The following NECTIN1 variants were observed in gnomAD, a reference collection of about 807,000 sequenced individuals.
NECTIN1 encodes nectin cell adhesion molecule 1, also known as nectin-1.
NECTIN1 carries 23 observed loss-of-function variants against 48.0 expected under a neutral mutation model. The ratio of observed to expected loss-of-function variants is 0.48; its 90% CI spans 0.34 to 0.68. NECTIN1 has a LOEUF of 0.68. Among genes scored for constraint, NECTIN1 ranks in the 30% least tolerant of loss-of-function variants. The probability of loss-of-function intolerance (pLI) is 0.01; values close to 1 mark genes in which losing one functional copy is unlikely to be tolerated. For missense variants in NECTIN1, 591 were observed against 709.9 expected (o/e 0.83, Z 1.90); for synonymous variants, 270 against 288.9 (o/e 0.93, Z 0.66).
chr11:119,728,448 G>T, intron 1 of NECTIN1, 27 bp downstream of exon 1: 1 of 1,575,832 alleles, frequency 6.3e-7, no homozygotes. Context: ...GGATGGGGGT[G>T]GGGACAGCAG....
chr11:119,724,491 G>C (rs570452986), intron 1 of NECTIN1, among the ~76,000 whole-genome samples: 1 of 152,078 alleles, frequency 6.6e-6, no homozygotes, highest in African/African-American at 2.4e-5. Flanking sequence ...CAAAGGACCC[G>C]GTAGTGTGTC....
chr11:119,661,095 AC>A lies in NECTIN1; in HGVS notation c.*3651del, dbSNP rs1252237423. ...ACAAGTAAAAGGGGGTGATGCAAAC[AC>A]CCCCCAGGTCAGAACCAGGAGGATC... On this transcript the variant is annotated 3_prime_UTR_variant, in exon 6 of 6. Coordinates refer to ENST00000264025, the MANE Select transcript of NECTIN1 (RefSeq NM_002855.5). 2.0e-6 allele frequency: 2 copies of A among 984,352 alleles called. No individual in the cohort carries two copies. The highest frequency in any genetic ancestry group is 2.4e-6 in the Non-Finnish European group (2 of 829,062). The allele number at this position is 984,352 out of a possible 1,614,324, so 61.0% of individuals were successfully genotyped here. A position where few individuals can be genotyped will look rare whatever the true frequency, so the allele number is the denominator to read the frequency against.
Position 119,677,324 on chromosome 11 carries a change from GC to G in NECTIN1, c.734-106del. 8.7e-7 allele frequency: 1 copy of G among 1,143,642 alleles called. No homozygotes were observed. Among genetic ancestry groups the G allele is most frequent in the Non-Finnish European group, 1.3e-6 (1 of 759,654 alleles). The allele number at this position is 1,143,642 out of a possible 1,614,324, so 70.8% of individuals were successfully genotyped here. On this transcript the variant is annotated intron_variant, in intron 3 of 5. Coordinates refer to ENST00000264025, the MANE Select transcript of NECTIN1 (RefSeq NM_002855.5). This position sits in a 1 kb window ranked among gnomAD's most constrained non-coding sequence, Gnocchi z 5.4. ...TGGAAGGAGCAGTGGCATGGAAACA[GC>G]CAGGAGAGAGGGAAGTGTGGGTGGG...
rs772160830 is a variant in NECTIN1, at chr11:119,677,587, C to A, written c.701G>T (p.Arg234Leu). ...GTTGAGAGTGAGGCTTTCCTTGAAG[C>A]GGTCCATGTGGTAGTTGACGATGCA... is the stretch of plus-strand genomic sequence containing the variant. ...LACIVNYHMD[R>L]FKESLTLNVQ... The change falls in exon 3 of 6, where the codon CGC becomes CTC. Residue 234 changes from arginine to leucine, a missense_variant. Physicochemically the swap from Arg to Leu is moderately radical, Grantham distance 102. Transcript: ENST00000264025. The surrounding 1 kb of genome is among the most constrained non-coding windows in gnomAD (Gnocchi z 5.4). The A allele has an allele frequency of 6.2e-7, 1 of 1,613,010 alleles. No homozygotes were observed. Among genetic ancestry groups the A allele is most frequent in the South Asian group, 1.1e-5 (1 of 91,014 alleles).
rs535098389 is a variant in NECTIN1 at position 119,678,098 on chromosome 11, T to G, written c.431-241A>C. On this transcript the variant is annotated intron_variant, in intron 2 of 5. Coordinates refer to ENST00000264025, the MANE Select transcript of NECTIN1 (RefSeq NM_002855.5). This position sits in a 1 kb window ranked among gnomAD's most constrained non-coding sequence, Gnocchi z 4.4. Reference sequence around the variant, plus strand: ...GTCATCGAGCTTAGGCCTCCTGGAGTCCCAGCATGTCTAAGGCAAGCAGCG... The same window carrying G: ...GTCATCGAGCTTAGGCCTCCTGGAGGCCCAGCATGTCTAAGGCAAGCAGCG... 7.2e-5 allele frequency among the ~76,000 whole-genome samples: 11 copies of G among 152,284 alleles called. No homozygotes were observed. Among genetic ancestry groups the G allele is most frequent in the Admixed American group, 3.3e-4 (5 of 15,290 alleles).
At chr11:119,702,155 T>A (rs6589768) in intron 1 of NECTIN1, among the ~76,000 whole-genome samples, 2 of 152,332 alleles carry the variant, frequency 1.3e-5, no homozygotes, top group South Asian at 4.1e-4. Flanking sequence ...ATCTGTGTGA[T>A]GTGATCTCAT....
chr11:119,689,604 T>A (rs1195348321), intron 1 of NECTIN1, among the ~76,000 whole-genome samples: 1 of 152,192 alleles, frequency 6.6e-6, no homozygotes, highest in East Asian at 1.9e-4. Context: ...GCAACCTGAC[T>A]GTTCAGAAGT....
chr11:119,662,941 C>A lies in NECTIN1; in HGVS notation c.*1806G>T. ...TGGGGCCAGGGCAGTGAGGGCCAGA[C>A]AACGACGACCCACCTGCTGGGCCCA... On this transcript the variant is annotated 3_prime_UTR_variant, in exon 6 of 6. Transcript: ENST00000264025. This position sits in a 1 kb window ranked among gnomAD's most constrained non-coding sequence, Gnocchi z 5.3. The A allele has an allele frequency of 1.0e-6, 1 of 985,632 alleles. No individual in the cohort carries two copies. The highest frequency in any genetic ancestry group is 1.2e-6 in the Non-Finnish European group (1 of 829,982). 61.1% of individuals were successfully genotyped at this position (985,632 alleles called of 1,614,324 possible).
chr11:119,648,322 A>ATGGTGGTGGTGGTGGTGGTGTGG (rs1298252121), intron 5 of NECTIN1, among the ~76,000 whole-genome samples: 1 of 4,258 alleles, frequency 2.3e-4, no homozygotes, highest in African/African-American at 9.0e-4. Context: ...GGTGATGGTG[A>ATGGTGGTGGTGGTGGTGGTGTGG]TGGTGGTGAT....
chr11:119,704,804 A>G (rs1865520158), intron 1 of NECTIN1, among the ~76,000 whole-genome samples: 1 of 152,192 alleles, frequency 6.6e-6, no homozygotes, highest in African/African-American at 2.4e-5. Context: ...AAGGGCTGAG[A>G]GCTCAGCCAT....
Position 119,661,715 on chromosome 11 carries a change from A to G in NECTIN1, c.*3032T>C, listed in dbSNP as rs774879984. On this transcript the variant is annotated 3_prime_UTR_variant, in exon 6 of 6. Transcript: ENST00000264025. Reference sequence around the variant, plus strand: ...CGCATGCCCAGGAAACAGGGCCCCTATAAGGCTCTCTTGCAGCCCGGGCAC... The same window carrying G: ...CGCATGCCCAGGAAACAGGGCCCCTGTAAGGCTCTCTTGCAGCCCGGGCAC... 183 of 985,722 alleles carry G rather than the reference A, an allele frequency of 1.9e-4. No homozygotes were observed. Among genetic ancestry groups the G allele is most frequent in the Non-Finnish European group, 2.2e-4 (179 of 829,940 alleles). The allele number at this position is 985,722 out of a possible 1,614,324, so 61.1% of individuals were successfully genotyped here.
intron 1 of NECTIN1, among the ~76,000 whole-genome samples, chr11:119,721,754 C>A: frequency 6.6e-6 from 1 of 152,250 alleles, no homozygotes; most frequent in East Asian, 1.9e-4. Context: ...GTGCTCACAC[C>A]TCAGGGGCCC....
At chr11:119,639,020 G>T (rs1342190303) in intron 6 of NECTIN1, among the ~76,000 whole-genome samples, 1 of 152,106 alleles carries the variant, frequency 6.6e-6, no homozygotes, top group Non-Finnish European at 1.5e-5. Context: ...CCTTTCCCAG[G>T]TGTGTCTGCC....
At chr11:119,642,349 G>A (rs1466187146) in intron 5 of NECTIN1, 1 of 152,244 alleles carries the variant, frequency 6.6e-6, no homozygotes, top group Admixed American at 6.5e-5. Flanking sequence ...AGAGGGCTAG[G>A]GTGGGAGGGG....
At chr11:119,654,538 ATGTGTGTGTGCGTG>A (rs1565378864) in intron 5 of NECTIN1, among the ~76,000 whole-genome samples, 2 of 74,088 alleles carry the variant, frequency 2.7e-5, no homozygotes, top group Non-Finnish European at 6.4e-5. Context: ...GGAGATGGCA[ATGTGTGTGTGCGTG>A]TGTGTGTGTT....
intron 5 of NECTIN1, among the ~76,000 whole-genome samples, chr11:119,651,182 G>T (rs1029269017): frequency 6.6e-6 from 1 of 152,180 alleles, no homozygotes; most frequent in Non-Finnish European, 1.5e-5. Context: ...ACAAGAGGAG[G>T]CAGAGTGTTT....
In NECTIN1 at chr11:119,648,280, G is replaced by GTGGTGGTGATGGTGGTGGTGGTGGTGA; in HGVS notation, c.1004-8295_1004-8269dup. Among the ~76,000 whole-genome samples the GTGGTGGTGATGGTGGTGGTGGTGGTGA allele has an allele frequency of 6.9e-5, 3 of 43,762 alleles. No homozygotes were observed. In the South Asian group the frequency reaches 2.2e-3, roughly 32 times the overall value. 28.7% of individuals were successfully genotyped at this position (43,762 alleles called of 152,430 possible). On this transcript the variant is annotated intron_variant, in intron 5 of 7. Transcript: ENST00000341398. ...GGTGGTAATAGTGGTGGTGGTGATG[G>GTGGTGGTGATGGTGGTGGTGGTGGTGA]TGGTGGTGATGGTGGTGGTGGTGGT...
At chr11:119,712,517 C>T (rs993447846) in intron 1 of NECTIN1, among the ~76,000 whole-genome samples, 3 of 152,026 alleles carry the variant, frequency 2.0e-5, no homozygotes, top group Non-Finnish European at 2.9e-5. Flanking sequence ...AGGCTTAGGA[C>T]GGGAGAGGGA....
In NECTIN1 at chr11:119,664,849, C is replaced by A. The variant is rs1447237029; in HGVS notation, c.1452G>T (p.Arg484=). Residue 484 remains arginine, a synonymous_variant, in exon 6 of 6, where the codon CGG becomes CGT. Transcript: ENST00000264025. ...CAGGGTCGTACTGGTAGCCCAGAGTCCGGTCCCCGTAGCCGTCCTGACGGG... is the reference window on the plus strand; with the variant it reads ...CAGGGTCGTACTGGTAGCCCAGAGTACGGTCCCCGTAGCCGTCCTGACGGG... ...AEARQDGYGD[R]TLGYQYDPEQ... is the part of the protein sequence containing the mutation. 1 of 1,613,984 alleles carries A rather than the reference C, an allele frequency of 6.2e-7. No homozygotes were observed.
Sources: allele counts gnomAD v4.1 joint callset (sites outside exome capture counted in the v4.1 genomes callset), GRCh38; gene constraint gnomAD v4.1.1; non-coding constraint Gnocchi (gnomAD v3.1); transcripts MANE v1.5; gene names NCBI Gene and HGNC (gene_info 2026-07-23, HGNC 2026-07-21).